ADGRV1: variants seen among roughly 807,000 people sequenced by gnomAD.
ADGRV1 encodes G-protein coupled receptor 98.
ADGRV1 carries 359 observed loss-of-function variants against 596.2 expected under a neutral mutation model. The ratio of observed to expected loss-of-function variants is 0.60; its 90% CI spans 0.55 to 0.66. ADGRV1 has a LOEUF of 0.66. Among genes scored for constraint, ADGRV1 ranks in the 30% least tolerant of loss-of-function variants. ADGRV1 has a pLI of 0.00. For missense variants in ADGRV1, 7,274 were observed against 7,575.6 expected (o/e 0.96, Z 1.48); for synonymous variants, 2,681 against 2,679.2 (o/e 1.00, Z -0.02).
chr5:90,926,168 C>T (rs1207241267), intron 83 of ADGRV1, among the ~76,000 whole-genome samples: 2 of 150,888 alleles, frequency 1.3e-5, no homozygotes, highest in East Asian at 2.0e-4. Context: ...GGGAGGATTC[C>T]CTCTTTTTGT....
chr5:91,031,278 G>A, intron 85 of ADGRV1: 7 of 1,572,710 alleles, frequency 4.5e-6, no homozygotes, highest in Non-Finnish European at 6.1e-6. Flanking sequence ...CCAGCCTGTT[G>A]TAAGTCTCAT....
intron 89 of ADGRV1, among the ~76,000 whole-genome samples, chr5:91,153,841 A>G (rs1796253089): frequency 6.6e-6 from 1 of 152,222 alleles, no homozygotes; most frequent in Non-Finnish European, 1.5e-5. Flanking sequence ...ACATACAATA[A>G]TTCTTTGACC....
Position 90,895,084 on chromosome 5 carries a change from A to G in ADGRV1, c.17856+31227A>G, listed in dbSNP as rs1771180489. ...GCTGTGACCACAAGCATGCACCACC[A>G]TGTCTGGCTAATTTTTTTTATTTTT... On this transcript the variant is annotated intron_variant, in intron 83 of 89. Coordinates refer to ENST00000405460, the MANE Select transcript of ADGRV1 (RefSeq NM_032119.4). 2.0e-5 allele frequency among the ~76,000 whole-genome samples: 3 copies of G among 149,480 alleles called. No homozygotes were observed. In the South Asian group the frequency reaches 6.5e-4, roughly 32 times the overall value.
At chr5:91,087,881 C>G (rs749826004) in intron 86 of ADGRV1, among the ~76,000 whole-genome samples, 6 of 152,146 alleles carry the variant, frequency 3.9e-5, no homozygotes, top group Admixed American at 6.5e-5. Flanking sequence ...AGAGTCCATG[C>G]TTTTAATCAT....
chr5:91,012,616 T>C (rs1782815921), intron 85 of ADGRV1, among the ~76,000 whole-genome samples: 1 of 152,028 alleles, frequency 6.6e-6, no homozygotes, highest in Non-Finnish European at 1.5e-5. Flanking sequence ...TGCTCAATGC[T>C]GAGGGAAAAG....
At chr5:90,569,684 T>C (rs1756270445) in intron 1 of ADGRV1, among the ~76,000 whole-genome samples, 2 of 151,738 alleles carry the variant, frequency 1.3e-5, no homozygotes, top group Admixed American at 1.3e-4. Context: ...TTCTAGTGTA[T>C]CATTTTAATT....
At chr5:90,935,715 G>A (rs1775625021) in intron 83 of ADGRV1, among the ~76,000 whole-genome samples, 1 of 152,166 alleles carries the variant, frequency 6.6e-6, no homozygotes, top group African/African-American at 2.4e-5. Flanking sequence ...GCACAATTAG[G>A]AAGGACAGAT....
intron 21 of ADGRV1, among the ~76,000 whole-genome samples, chr5:90,658,924 G>A (rs1297054268): frequency 6.6e-6 from 1 of 152,174 alleles, no homozygotes; most frequent in African/African-American, 2.4e-5. Context: ...TGGTGACCAT[G>A]AAAGGATGCC....
intron 87 of ADGRV1, among the ~76,000 whole-genome samples, chr5:91,144,334 C>G (rs1181241396): frequency 1.3e-5 from 2 of 152,208 alleles, no homozygotes; most frequent in Admixed American, 6.5e-5. Flanking sequence ...GAGGCAGGGT[C>G]TGGCTCTGTT....
chr5:91,059,864 A>G (rs921283773), intron 85 of ADGRV1, among the ~76,000 whole-genome samples: 3 of 152,202 alleles, frequency 2.0e-5, no homozygotes, highest in Admixed American at 6.5e-5. Flanking sequence ...TAACTGTAAC[A>G]TTGCAGGACA....
At chr5:90,612,373 G>A (rs1351048267) in intron 1 of ADGRV1, among the ~76,000 whole-genome samples, 2 of 151,998 alleles carry the variant, frequency 1.3e-5, no homozygotes, top group South Asian at 2.1e-4. Flanking sequence ...CTGAATGCTT[G>A]GAAACGTAGC....
intron 50 of ADGRV1, among the ~76,000 whole-genome samples, chr5:90,731,985 A>G (rs1390950589): frequency 6.6e-6 from 1 of 152,204 alleles, no homozygotes; most frequent in East Asian, 1.9e-4. Flanking sequence ...CATGGTATAT[A>G]GATTCTACTT....
intron 1 of ADGRV1, among the ~76,000 whole-genome samples, chr5:90,573,040 C>T (rs1056505690): frequency 1.3e-5 from 2 of 152,056 alleles, no homozygotes; most frequent in Non-Finnish European, 2.9e-5. Context: ...TAGATCTCTC[C>T]GTGTATAGAT....
intron 1 of ADGRV1, among the ~76,000 whole-genome samples, chr5:90,608,732 C>T (rs534397274): frequency 1.3e-5 from 2 of 151,932 alleles, no homozygotes; most frequent in African/African-American, 4.8e-5. Flanking sequence ...AAGAAGAAAA[C>T]ATGGGATTAA....
intron 82 of ADGRV1, 96 bp from the exon 83 acceptor site, chr5:90,863,661 C>T (rs551898694): frequency 2.3e-6 from 2 of 872,360 alleles, no homozygotes. Context: ...AGGTGGCAGA[C>T]CTGACATGCC....
chr5:90,953,142 T>C lies in ADGRV1; in HGVS notation c.17857-12273T>C, dbSNP rs577763132. Reference sequence around the variant, plus strand: ...TCAAAGAACTCATGATAGCCCTTGTTTGAGTTTCAGAAGTTTTCGTAAAGC... The same window carrying C: ...TCAAAGAACTCATGATAGCCCTTGTCTGAGTTTCAGAAGTTTTCGTAAAGC... On this transcript the variant is annotated intron_variant, in intron 83 of 89. Coordinates refer to ENST00000405460, the MANE Select transcript of ADGRV1 (RefSeq NM_032119.4). 3.3e-5 allele frequency among the ~76,000 whole-genome samples: 5 copies of C among 152,240 alleles called. No homozygotes were observed. The South Asian group carries it at 1.0e-3, about 32-fold the overall frequency.
intron 17 of ADGRV1, 84 bp from the exon 18 acceptor site, chr5:90,651,520 G>T: frequency 8.4e-7 from 1 of 1,185,190 alleles, no homozygotes. Context: ...CAACTTAATT[G>T]TAAACTTTCT....
At chr5:91,120,210 A>C (rs1445678716) in intron 87 of ADGRV1, among the ~76,000 whole-genome samples, 2 of 152,310 alleles carry the variant, frequency 1.3e-5, no homozygotes, top group African/African-American at 4.8e-5. Context: ...AAGGGAGATA[A>C]AGGGGCAACA....
At chr5:90,973,345 C>A (rs1255095578) in intron 84 of ADGRV1, among the ~76,000 whole-genome samples, 1 of 152,204 alleles carries the variant, frequency 6.6e-6, no homozygotes, top group Non-Finnish European at 1.5e-5. Flanking sequence ...CTCCCTAACT[C>A]ATTTTATGAG....
Sources: gnomAD v4.1 joint callset for allele counts (sites outside exome capture counted in the v4.1 genomes callset) on GRCh38, gnomAD v4.1.1 for gene constraint, MANE v1.5 for transcripts, NCBI Gene and HGNC (gene_info 2026-07-23, HGNC 2026-07-21) for gene names.